KAZN: variants seen among roughly 807,000 people sequenced by gnomAD.
The protein encoded by KAZN is kazrin.
A neutral mutation model predicts 87.4 loss-of-function variants in KAZN; 40 were observed. The observed-to-expected ratio is 0.46, with a 90% CI of 0.36 to 0.60. The LOEUF (loss-of-function observed/expected upper bound fraction) is 0.60. Among genes scored for constraint, KAZN ranks in the 20% least tolerant of loss-of-function variants. The probability of loss-of-function intolerance (pLI) is 0.00; values close to 1 mark genes in which losing one functional copy is unlikely to be tolerated. For synonymous variants in KAZN, 466 were observed against 458.3 expected (o/e 1.02, Z -0.22); for missense variants, 898 against 1,073.9 (o/e 0.84, Z 2.29).
intron 1 of KAZN, among the ~76,000 whole-genome samples, chr1:14,618,996 G>A (rs531393058): frequency 1.4e-4 from 22 of 152,250 alleles, no homozygotes; most frequent in African/African-American, 5.3e-4. Context: ...ACGGCAGGAC[G>A]ACAGCATGGC....
intron 1 of KAZN, among the ~76,000 whole-genome samples, chr1:14,150,461 G>A (rs1645447867): frequency 6.6e-6 from 1 of 152,168 alleles, no homozygotes; most frequent in Non-Finnish European, 1.5e-5. Context: ...AGAACCATCT[G>A]CCCCCAGAAC....
chr1:13,893,665 C>T (rs767108592), exon 1 of KAZN: 12 of 1,550,432 alleles, frequency 7.7e-6, no homozygotes, highest in South Asian at 1.2e-5. Context: ...CCAAAAGAGC[C>T]ATGGAATCCA....
intron 2 of KAZN, among the ~76,000 whole-genome samples, chr1:14,325,547 G>A (rs537808096): frequency 1.2e-4 from 18 of 152,084 alleles, no homozygotes; most frequent in Non-Finnish European, 1.9e-4. Flanking sequence ...AGGAGAGAGA[G>A]AAAAAACAGG....
At position 14,502,628 on chromosome 1, in the gene KAZN, G is replaced by A. The variant is rs371209511; in HGVS notation, c.250-96355G>A. ...TCAGTTTAAAAGGTTTACTTTTTAT[G>A]CTTCCTCTATTTTAGTTGAGGACTG... On this transcript the variant is annotated intron_variant, in intron 2 of 16. Transcript: ENST00000636203. Among the ~76,000 whole-genome samples the A allele has an allele frequency of 6.6e-5, 10 of 152,218 alleles. No homozygotes were observed. The East Asian group carries it at 1.7e-3, about 26-fold the overall frequency.
intron 2 of KAZN, among the ~76,000 whole-genome samples, chr1:14,516,625 C>T (rs973420455): frequency 1.3e-5 from 2 of 152,198 alleles, no homozygotes; most frequent in Non-Finnish European, 2.9e-5. Flanking sequence ...ATGTTGGAGT[C>T]ATTTTATTGT....
intron 1 of KAZN, among the ~76,000 whole-genome samples, chr1:14,822,946 C>T (rs1003133552): frequency 2.0e-5 from 3 of 152,174 alleles, no homozygotes; most frequent in Admixed American, 1.3e-4. Context: ...AGTCAGGTGC[C>T]GAGTGGATCA....
intron 2 of KAZN, among the ~76,000 whole-genome samples, chr1:14,416,518 C>G (rs1399421426): frequency 6.6e-6 from 1 of 152,140 alleles, no homozygotes; most frequent in Non-Finnish European, 1.5e-5. Flanking sequence ...AGGCAGATCA[C>G]CTGAGGTCAG....
Position 15,065,621 on chromosome 1 carries a change from A to C in KAZN, c.1099-9A>C, listed in dbSNP as rs745698909. ...CCCACCCTCTTCCACGTGGCTCCTGACTCCTCAGTCACTAGAGGATCTTGA... is the reference window on the plus strand; with the variant it reads ...CCCACCCTCTTCCACGTGGCTCCTGCCTCCTCAGTCACTAGAGGATCTTGA... On this transcript the variant is annotated splice_polypyrimidine_tract_variant and intron_variant, in intron 7 of 14. Coordinates refer to ENST00000376030, the MANE Select transcript of KAZN (RefSeq NM_201628.3). The C allele has an allele frequency of 1.0e-5, 16 of 1,601,374 alleles. No individual in the cohort carries two copies. The highest frequency in any genetic ancestry group is 1.3e-5 in the Non-Finnish European group (15 of 1,171,612).
intron 2 of KAZN, among the ~76,000 whole-genome samples, chr1:14,531,863 A>G (rs1181223693): frequency 6.6e-6 from 1 of 152,174 alleles, no homozygotes; most frequent in Non-Finnish European, 1.5e-5. Context: ...CATTTTAGGC[A>G]GTGATTTTTC....
intron 1 of KAZN, among the ~76,000 whole-genome samples, chr1:14,118,281 A>G (rs1644673526): frequency 6.6e-6 from 1 of 152,226 alleles, no homozygotes; most frequent in East Asian, 1.9e-4. Context: ...AAACAAATCT[A>G]TCAGTAGGGG....
At chr1:15,048,417 T>G (rs1428345564) in intron 4 of KAZN, among the ~76,000 whole-genome samples, 1 of 140,286 alleles carries the variant, frequency 7.1e-6, no homozygotes, top group Non-Finnish European at 1.5e-5. Context: ...ACCGCATGTG[T>G]GTGTATGTGT....
intron 2 of KAZN, among the ~76,000 whole-genome samples, chr1:14,401,095 T>A (rs150351166): frequency 1.4e-3 from 209 of 152,248 alleles, no homozygotes; most frequent in Admixed American, 2.7e-3. Flanking sequence ...CAATGGGTTT[T>A]CAAAGGGGAT....
At chr1:14,060,362 CAAAAAAAA>C (rs56206554) in intron 1 of KAZN, among the ~76,000 whole-genome samples, 1 of 100,656 alleles carries the variant, frequency 9.9e-6, no homozygotes. Flanking sequence ...GACTCCACCT[CAAAAAAAA>C]AAAAAAAAAA....
intron 2 of KAZN, among the ~76,000 whole-genome samples, chr1:14,305,571 AGATCT>A (rs998740404): frequency 6.6e-6 from 1 of 152,184 alleles, no homozygotes; most frequent in East Asian, 1.9e-4. Context: ...GGGAAAGGAA[AGATCT>A]GAACTCAAGA....
chr1:14,558,334 T>C (rs1005103061), intron 2 of KAZN, among the ~76,000 whole-genome samples: 2 of 152,178 alleles, frequency 1.3e-5, no homozygotes, highest in African/African-American at 4.8e-5. Context: ...CAAGTACCAA[T>C]ACTGTGTGTG....
chr1:14,864,064 G>C (rs1651170942), intron 1 of KAZN, among the ~76,000 whole-genome samples: 2 of 152,176 alleles, frequency 1.3e-5, no homozygotes, highest in South Asian at 4.1e-4. Flanking sequence ...AGAAAAATCA[G>C]CTCGACTCAG....
At chr1:13,895,922 T>C in intron 1 of KAZN, among the ~76,000 whole-genome samples, 1 of 152,168 alleles carries the variant, frequency 6.6e-6, no homozygotes, top group Middle Eastern at 3.2e-3. Flanking sequence ...ATGTGACTTT[T>C]CAATGATACC....
At chr1:13,964,660 C>G (rs1183773551) in intron 1 of KAZN, among the ~76,000 whole-genome samples, 2 of 152,146 alleles carry the variant, frequency 1.3e-5, no homozygotes, top group Non-Finnish European at 2.9e-5. Flanking sequence ...AGTATCCCAG[C>G]CTTCTTGAGG....
intron 2 of KAZN, among the ~76,000 whole-genome samples, chr1:14,986,634 C>G (rs1387138860): frequency 6.6e-6 from 1 of 152,104 alleles, no homozygotes; most frequent in Non-Finnish European, 1.5e-5. Flanking sequence ...GCCCCCAACC[C>G]TCCTTGATGA....
Sources: allele counts gnomAD v4.1 joint callset (sites outside exome capture counted in the v4.1 genomes callset), GRCh38; gene constraint gnomAD v4.1.1; transcripts MANE v1.5; gene names NCBI Gene and HGNC (gene_info 2026-07-23, HGNC 2026-07-21).